LUZP2: variants seen among roughly 807,000 people sequenced by gnomAD.
LUZP2 encodes leucine zipper protein 2.
LUZP2 carries 52 observed loss-of-function variants against 51.6 expected under a neutral mutation model. The ratio of observed to expected loss-of-function variants is 1.01; its 90% CI spans 0.81 to 1.27. The LOEUF is 1.27. Among genes scored for constraint, LUZP2 ranks in the 50% most tolerant of loss-of-function variants. The pLI is 0.00. For synonymous variants in LUZP2, 154 were observed against 137.3 expected (o/e 1.12, Z -0.85); for missense variants, 436 against 395.4 (o/e 1.10, Z -0.87).
chr11:24,602,394 A>ACACT (rs1369317683), intron 1 of LUZP2, among the ~76,000 whole-genome samples: 1 of 144,786 alleles, frequency 6.9e-6, no homozygotes, highest in Non-Finnish European at 1.5e-5. Context: ...ATATACACAC[A>ACACT]CACACACACA....
intron 5 of LUZP2, among the ~76,000 whole-genome samples, chr11:24,899,374 T>C (rs1853198720): frequency 6.6e-6 from 1 of 151,758 alleles, no homozygotes; most frequent in Admixed American, 6.6e-5. Context: ...ATATCAATTC[T>C]AAATAGACTT....
chr11:24,918,344 T>A (rs1393033755), intron 7 of LUZP2, among the ~76,000 whole-genome samples: 1 of 152,092 alleles, frequency 6.6e-6, no homozygotes. Flanking sequence ...TCCTGCCTGA[T>A]TGCCCTGGCC....
intron 7 of LUZP2, among the ~76,000 whole-genome samples, chr11:24,957,547 T>C (rs1590772348): frequency 6.6e-6 from 1 of 152,122 alleles, no homozygotes; most frequent in African/African-American, 2.4e-5. Context: ...CGTCCAACTC[T>C]CTGCTTTGAG....
intron 5 of LUZP2, among the ~76,000 whole-genome samples, chr11:24,768,955 A>G (rs1860297180): frequency 6.6e-6 from 1 of 152,236 alleles, no homozygotes; most frequent in Non-Finnish European, 1.5e-5. Flanking sequence ...ACTCATGTTT[A>G]TTGCAGCACT....
chr11:24,757,038 G>A (rs1859801958), intron 4 of LUZP2, among the ~76,000 whole-genome samples: 1 of 152,186 alleles, frequency 6.6e-6, no homozygotes, highest in South Asian at 2.1e-4. Flanking sequence ...TTATGGGGAA[G>A]GGGCATGGGG....
chr11:24,748,331 G>T (rs574338390), intron 4 of LUZP2, among the ~76,000 whole-genome samples: 16 of 152,178 alleles, frequency 1.1e-4, no homozygotes, highest in Non-Finnish European at 2.4e-4. Flanking sequence ...CACAGTCAGG[G>T]TGTGTGTTCA....
intron 2 of LUZP2, 72 bp downstream of exon 2, chr11:24,729,358 C>A (rs1858622675): frequency 8.0e-6 from 6 of 750,802 alleles, no homozygotes; most frequent in African/African-American, 1.8e-5. Flanking sequence ...GATTGACATG[C>A]ATTTTTAAAT....
At chr11:24,810,544 T>C (rs1165391214) in intron 5 of LUZP2, among the ~76,000 whole-genome samples, 2 of 151,830 alleles carry the variant, frequency 1.3e-5, no homozygotes, top group Non-Finnish European at 2.9e-5. Context: ...AATGTTATTG[T>C]CTATCATGTG....
intron 9 of LUZP2, among the ~76,000 whole-genome samples, chr11:25,039,739 A>G (rs1411001754): frequency 6.6e-6 from 1 of 152,216 alleles, no homozygotes; most frequent in African/African-American, 2.4e-5. Context: ...ATCTTCCTCA[A>G]GCACCATTCA....
In LUZP2 at chr11:24,943,408, C is replaced by G. The variant is rs542096478; in HGVS notation, c.522+28870C>G. ...TAGCTCTTTGGTTCAATTAGGAAAA[C>G]ATTGTATTTGTCCAATTAATTCTCC... On this transcript the variant is annotated intron_variant, in intron 7 of 11. Coordinates refer to ENST00000336930, the MANE Select transcript of LUZP2 (RefSeq NM_001009909.4). 7.2e-5 allele frequency among the ~76,000 whole-genome samples: 11 copies of G among 152,086 alleles called. 1 individual carries two copies. Among genetic ancestry groups the G allele is most frequent in the African/African-American group, 2.4e-4 (10 of 41,494 alleles).
At chr11:24,691,553 G>T (rs1042917069) in intron 1 of LUZP2, among the ~76,000 whole-genome samples, 20 of 151,106 alleles carry the variant, frequency 1.3e-4, no homozygotes, top group African/African-American at 4.4e-4. Context: ...AGACAGATAG[G>T]AAGGTAAAGT....
At chr11:24,610,674 G>A (rs560027799) in intron 1 of LUZP2, among the ~76,000 whole-genome samples, 20 of 152,102 alleles carry the variant, frequency 1.3e-4, no homozygotes, top group Admixed American at 2.0e-4. Context: ...GGCATGCCAC[G>A]GTGGCTCAGG....
At chr11:24,596,775 G>A (rs1853458177) in intron 1 of LUZP2, among the ~76,000 whole-genome samples, 2 of 152,194 alleles carry the variant, frequency 1.3e-5, no homozygotes, top group Non-Finnish European at 2.9e-5. Flanking sequence ...CAAGAACCAG[G>A]TGTTCTCCGA....
intron 1 of LUZP2, among the ~76,000 whole-genome samples, chr11:24,633,773 A>G (rs1035738187): frequency 6.6e-6 from 1 of 151,960 alleles, no homozygotes. Context: ...TTATATTTAT[A>G]GGATTATATA....
At chr11:25,018,528 C>A (rs192676830) in intron 9 of LUZP2, among the ~76,000 whole-genome samples, 8 of 151,882 alleles carry the variant, frequency 5.3e-5, no homozygotes, top group Non-Finnish European at 1.0e-4. Flanking sequence ...TTATTCAATG[C>A]ATATTAGCAT....
chr11:24,873,076 C>A (rs1852133368), intron 5 of LUZP2, among the ~76,000 whole-genome samples: 1 of 152,138 alleles, frequency 6.6e-6, no homozygotes, highest in African/African-American at 2.4e-5. Context: ...ACAGGAGCAG[C>A]TGGAAATGCA....
chr11:24,628,350 A>G (rs2133920814), intron 1 of LUZP2, among the ~76,000 whole-genome samples: 1 of 152,258 alleles, frequency 6.6e-6, no homozygotes, highest in Admixed American at 6.5e-5. Context: ...GTAACAATGT[A>G]CTATGGATTG....
intron 5 of LUZP2, among the ~76,000 whole-genome samples, chr11:24,898,523 T>C (rs1853160103): frequency 6.6e-6 from 1 of 151,850 alleles, no homozygotes; most frequent in Non-Finnish European, 1.5e-5. Context: ...CGCGGGAGCC[T>C]GAGGCAGGAG....
At chr11:24,680,878 G>A (rs1856709949) in intron 1 of LUZP2, among the ~76,000 whole-genome samples, 1 of 152,040 alleles carries the variant, frequency 6.6e-6, no homozygotes, top group South Asian at 2.1e-4. Context: ...TTGTAAAAAT[G>A]CTTCTCAAAC....
Sources: allele counts gnomAD v4.1 joint callset (sites outside exome capture counted in the v4.1 genomes callset), GRCh38; gene constraint gnomAD v4.1.1; transcripts MANE v1.5; gene names NCBI Gene and HGNC (gene_info 2026-07-23, HGNC 2026-07-21).